RBFOX3: variants seen among roughly 807,000 people sequenced by gnomAD.
RBFOX3 encodes the protein RNA binding protein fox-1 homolog 3.
In RBFOX3, 17 loss-of-function variants were observed where a neutral mutation model predicts 48.7. That is an observed-to-expected ratio of 0.35 (90% CI 0.24 to 0.52). The LOEUF (loss-of-function observed/expected upper bound fraction) is 0.52, where lower values mean the gene tolerates loss of function less well. Among genes scored for constraint, RBFOX3 ranks in the 20% least tolerant of loss-of-function variants. The pLI is 0.94. For missense variants in RBFOX3, 382 were observed against 497.5 expected, an observed-to-expected ratio of 0.77 and a Z score of 2.21; for synonymous variants, 212 against 209.5, an observed-to-expected ratio of 1.01 and a Z score of -0.10.
At chr17:79,319,075 G>A (rs1238115958) in intron 2 of RBFOX3, among the ~76,000 whole-genome samples, 1 of 151,966 alleles carries the variant, frequency 6.6e-6, no homozygotes, top group African/African-American at 2.4e-5. Flanking sequence ...ACATGAGGGT[G>A]GGCGGAGGGA....
At position 79,148,095 on chromosome 17, in the gene RBFOX3, C is replaced by T. The variant is rs188438726; in HGVS notation, c.-33-32347G>A. Among the ~76,000 whole-genome samples the T allele has an allele frequency of 1.4e-4, 22 of 152,344 alleles. No individual in the cohort carries two copies. The East Asian group carries it at 2.5e-3, about 17-fold the overall frequency. On this transcript the variant is annotated intron_variant, in intron 4 of 14. Transcript: ENST00000693108. ...TCACCGTGGGACCCCAGGGTGCGTG[C>T]GGCCCTAAAGACCCAGAGACAGGTG...
chr17:79,450,202 CTG>C, intron 2 of RBFOX3, among the ~76,000 whole-genome samples: 2 of 152,366 alleles, frequency 1.3e-5, no homozygotes, highest in East Asian at 3.9e-4. Context: ...TGTACAGACA[CTG>C]TGGACTGCCC....
In RBFOX3 at chr17:79,214,531, C is replaced by T. The variant is rs781313759; in HGVS notation, c.-34+21235G>A. Among the ~76,000 whole-genome samples the T allele has an allele frequency of 6.6e-6, 1 of 151,556 alleles. No individual in the cohort carries two copies. The highest frequency in any genetic ancestry group is 1.5e-5 in the Non-Finnish European group (1 of 67,898). On this transcript the variant is annotated intron_variant, in intron 4 of 14. Coordinates refer to ENST00000693108, the MANE Select transcript of RBFOX3 (RefSeq NM_001350451.2). The surrounding 1 kb of genome is among the most constrained non-coding windows in gnomAD (Gnocchi z 4.7). ...GAGGAGAGATGGGAGAAGAGGGGCT[C>T]CCTGGGGCAGGCCAAGTGGGAGGGA...
intron 2 of RBFOX3, among the ~76,000 whole-genome samples, chr17:79,474,066 CT>C (rs369352314): frequency 2.0e-5 from 3 of 152,080 alleles, no homozygotes; most frequent in African/African-American, 7.2e-5. Context: ...GTCCATTCAC[CT>C]TTGCCATGGA....
At chr17:79,340,322 A>AAAAAAAAAAAAC (rs1234763088) in intron 2 of RBFOX3, among the ~76,000 whole-genome samples, 1 of 144,024 alleles carries the variant, frequency 6.9e-6, no homozygotes, top group Non-Finnish European at 1.5e-5. Flanking sequence ...AAAAACAAAA[A>AAAAAAAAAAAAC]CAAAACTCTC....
chr17:79,633,273 C>T, the RBFOX3 span, among the ~76,000 whole-genome samples: 1 of 152,282 alleles, frequency 6.6e-6, no homozygotes, highest in Admixed American at 6.5e-5. Flanking sequence ...CGCCAGAAGA[C>T]TCCCTGGAGA....
chr17:79,657,593 C>G, the RBFOX3 span, among the ~76,000 whole-genome samples: 2 of 152,148 alleles, frequency 1.3e-5, no homozygotes, highest in Non-Finnish European at 2.9e-5. Flanking sequence ...GCAGGAGAAT[C>G]GCTTGAATCT....
At chr17:79,158,106 C>T (rs558007633) in intron 4 of RBFOX3, among the ~76,000 whole-genome samples, 4 of 149,798 alleles carry the variant, frequency 2.7e-5, no homozygotes, top group East Asian at 3.9e-4. Context: ...CAAGAAGAGG[C>T]GATTAGGACA....
chr17:79,212,568 GAGCAACTTAACTTCTTTCAC>G lies in RBFOX3; in HGVS notation c.-34+23178_-34+23197del, dbSNP rs1299391064. Among the ~76,000 whole-genome samples the G allele has an allele frequency of 6.6e-6, 1 of 152,180 alleles. No individual in the cohort carries two copies. Among genetic ancestry groups the G allele is most frequent in the African/African-American group, 2.4e-5 (1 of 41,448 alleles). On this transcript the variant is annotated intron_variant, in intron 4 of 14. Transcript: ENST00000693108. This position sits in a 1 kb window ranked among gnomAD's most constrained non-coding sequence, Gnocchi z 4.7. ...TGTTCTTCATAAAGAGTAGATTTCA[GAGCAACTTAACTTCTTTCAC>G]AAGCAAATTCCCAGAGCCTGGTTCT...
chr17:79,592,969 C>A (rs2093466378), intron 1 of RBFOX3, among the ~76,000 whole-genome samples: 1 of 152,172 alleles, frequency 6.6e-6, no homozygotes, highest in Non-Finnish European at 1.5e-5. Context: ...CTGGCAGACC[C>A]CAAACCACAG....
At chr17:79,576,674 G>A (rs36153597) in intron 1 of RBFOX3, among the ~76,000 whole-genome samples, 106,794 of 151,554 alleles carry the variant, frequency 0.7, 37,889 homozygotes, top group East Asian at 0.95. Flanking sequence ...TGGAGATGAT[G>A]GAGAAGGCGG....
chr17:79,267,045 T>TGA lies in RBFOX3; in HGVS notation c.-73-31242_-73-31241dup, dbSNP rs769244175. On this transcript the variant is annotated intron_variant, in intron 3 of 14. Transcript: ENST00000693108. ...AGCTGGCTGGTCAGAAGGTGGGTCC[T>TGA]GAAACTAGGAGCTGGCTTGGAAGTT... Among the ~76,000 whole-genome samples, 19 of 152,308 alleles carry TGA rather than the reference T, an allele frequency of 1.2e-4. 1 individual carries two copies. Among genetic ancestry groups the TGA allele is most frequent in the East Asian group, 5.8e-4 (3 of 5,170 alleles).
intron 1 of RBFOX3, among the ~76,000 whole-genome samples, chr17:79,518,772 C>T (rs1298208839): frequency 5.9e-5 from 9 of 152,232 alleles, no homozygotes; most frequent in Admixed American, 1.3e-4. Context: ...ATGAGCAAAC[C>T]CACAGGAAGG....
rs182803323 is a variant in RBFOX3, at chr17:79,364,655, T to G, written c.-174-56831A>C. 6.6e-6 allele frequency among the ~76,000 whole-genome samples: 1 copy of G among 152,308 alleles called. No individual in the cohort carries two copies. Among genetic ancestry groups the G allele is most frequent in the East Asian group, 1.9e-4 (1 of 5,180 alleles). ...GGGGAGCGGGCGTGAGCAGGTCGGA[T>G]AGCCTGCTGTTTGCTTTCTGGTGGG... On this transcript the variant is annotated intron_variant, in intron 2 of 14. Coordinates refer to ENST00000693108, the MANE Select transcript of RBFOX3 (RefSeq NM_001350451.2). This position sits in a 1 kb window ranked among gnomAD's most constrained non-coding sequence, Gnocchi z 5.1.
chr17:79,100,605 G>A (rs982429557), intron 9 of RBFOX3, among the ~76,000 whole-genome samples: 7 of 152,216 alleles, frequency 4.6e-5, no homozygotes, highest in South Asian at 2.1e-4. Flanking sequence ...GGGGCCATGA[G>A]AGGCTGGGGG....
In RBFOX3 at chr17:79,390,613, G is replaced by T. The variant is rs1322475630; in HGVS notation, c.-174-82789C>A. ...CTGCCTCAGCCTCCCAAGTAGCTGG[G>T]ATTACAGGCGCCTGCCACCAAACCC... On this transcript the variant is annotated intron_variant, in intron 2 of 14. Transcript: ENST00000693108. The surrounding 1 kb of genome is among the most constrained non-coding windows in gnomAD (Gnocchi z 4.2). 6.6e-6 allele frequency among the ~76,000 whole-genome samples: 1 copy of T among 152,180 alleles called. No homozygotes were observed. Among genetic ancestry groups the T allele is most frequent in the African/African-American group, 2.4e-5 (1 of 41,422 alleles).
rs2075535849 is a variant in RBFOX3 at position 79,097,370 on chromosome 17, T to C, written c.677A>G (p.His226Arg). The part of the protein sequence containing the change: ...TGTAVAYRGA[H>R]LRGRGRAVYN... ...CACGGCCCGGCCCCGGCCCCGAAGATGTGCGCCCCGGTAGGCAACGGCTGT... is the reference window on the plus strand; with the variant it reads ...CACGGCCCGGCCCCGGCCCCGAAGACGTGCGCCCCGGTAGGCAACGGCTGT... The change falls in exon 11 of 15, where the codon CAT (histidine) becomes CGT (arginine). Residue 226 changes from histidine to arginine, a missense_variant. Transcript: ENST00000693108. 3.9e-6 allele frequency: 6 copies of C among 1,548,266 alleles called. No individual in the cohort carries two copies. The highest frequency in any genetic ancestry group is 4.4e-6 in the Non-Finnish European group (5 of 1,146,248).
rs1465947078 is a variant in RBFOX3 at position 79,512,936 on chromosome 17, C to A, written c.-319-30338G>T. ...GGACGCACATGCAGATACATGTTACCATCGGGTACAGCCCCATGGCCAGGG... is the reference window on the plus strand; with the variant it reads ...GGACGCACATGCAGATACATGTTACAATCGGGTACAGCCCCATGGCCAGGG... On this transcript the variant is annotated intron_variant, in intron 1 of 14. Transcript: ENST00000693108. Among the ~76,000 whole-genome samples, 3 of 147,896 alleles carry A rather than the reference C, an allele frequency of 2.0e-5. No homozygotes were observed. In the East Asian group the frequency reaches 6.1e-4, roughly 30 times the overall value.
At chr17:79,586,915 G>A (rs2093268266) in intron 1 of RBFOX3, among the ~76,000 whole-genome samples, 1 of 152,164 alleles carries the variant, frequency 6.6e-6, no homozygotes, top group Non-Finnish European at 1.5e-5. Flanking sequence ...TTGCATCTGT[G>A]CAAGTCTGGT....
Sources: allele counts gnomAD v4.1 joint callset (sites outside exome capture counted in the v4.1 genomes callset), GRCh38; gene constraint gnomAD v4.1.1; non-coding constraint Gnocchi (gnomAD v3.1); transcripts MANE v1.5; gene names NCBI Gene and HGNC (gene_info 2026-07-23, HGNC 2026-07-21).